Variants in PIK3C2G observed in about 807,000 individuals in gnomAD.
PIK3C2G encodes the protein phosphatidylinositol-4-phosphate 3-kinase catalytic subunit type 2 gamma.
In PIK3C2G, 168 loss-of-function variants were observed where a neutral mutation model predicts 181.1. That is an observed-to-expected ratio of 0.93 (90% CI 0.82 to 1.05). The LOEUF (loss-of-function observed/expected upper bound fraction) is 1.05. PIK3C2G is among the 50% of genes least tolerant of loss of function. The probability of loss-of-function intolerance (pLI) is 0.00; values close to 1 mark genes in which losing one functional copy is unlikely to be tolerated. For missense variants in PIK3C2G, 1,869 were observed against 1,732.8 expected, an observed-to-expected ratio of 1.08 and a Z score of -1.40; for synonymous variants, 573 against 592.2, an observed-to-expected ratio of 0.97 and a Z score of 0.47.
At chr12:18,578,291 CT>C (rs1457964333) in intron 29 of PIK3C2G, among the ~76,000 whole-genome samples, 1 of 152,146 alleles carries the variant, frequency 6.6e-6, no homozygotes, top group Non-Finnish European at 1.5e-5. Flanking sequence ...TCTTTTATAA[CT>C]TCACACGTTG....
chr12:18,614,966 C>A (rs1032290031), intron 31 of PIK3C2G, among the ~76,000 whole-genome samples: 2 of 151,934 alleles, frequency 1.3e-5, no homozygotes, highest in South Asian at 2.1e-4. Context: ...CTTTTCTTTT[C>A]TTTTCTTTTA....
chr12:18,329,778 T>G (rs923051188), intron 8 of PIK3C2G, among the ~76,000 whole-genome samples: 8 of 152,052 alleles, frequency 5.3e-5, no homozygotes, highest in African/African-American at 1.9e-4. Flanking sequence ...GTTTTACCTT[T>G]TACCCATTCA....
At chr12:18,256,701 CA>C (rs1288702634), upstream of PIK3C2G, among the ~76,000 whole-genome samples, 1 of 152,038 alleles carries the variant, frequency 6.6e-6, no homozygotes, top group African/African-American at 2.4e-5. Context: ...TTAAGGATTG[CA>C]AATGACAGTT....
At chr12:18,650,664 ATGTGTGTGTGTG>A (rs1159499235), downstream of PIK3C2G, among the ~76,000 whole-genome samples, 16 of 35,584 alleles carry the variant, frequency 4.5e-4, 1 homozygote, top group Non-Finnish European at 7.1e-4. Context: ...TGGAATATAA[ATGTGTGTGTGTG>A]TGTGTGTGTG....
At chr12:18,364,828 A>T (rs568171708) in intron 12 of PIK3C2G, among the ~76,000 whole-genome samples, 70 of 152,070 alleles carry the variant, frequency 4.6e-4, no homozygotes, top group Non-Finnish European at 8.2e-4. Flanking sequence ...AACCCAGGAG[A>T]CAGAGGTTGC....
At chr12:18,704,205 A>T in the PIK3C2G span, among the ~76,000 whole-genome samples, 2 of 152,340 alleles carry the variant, frequency 1.3e-5, no homozygotes, top group African/African-American at 4.8e-5. Flanking sequence ...ATTTATCAGT[A>T]AGAAAATCTT....
At position 18,293,946 on chromosome 12, in the gene PIK3C2G, G is replaced by C; in HGVS notation, c.965G>C (p.Cys322Ser). The C allele has an allele frequency of 6.3e-7, 1 of 1,598,906 alleles. No homozygotes were observed. Among genetic ancestry groups the C allele is most frequent in the Non-Finnish European group, 8.6e-7 (1 of 1,166,748 alleles). Residue 322 changes from cysteine to serine, a missense_variant, in exon 5 of 33, where the codon TGC becomes TCC. Transcript: ENST00000538779. Reference protein sequence around the residue: ...KDLIAEILHFCTNDQLLPKDH... With the variant: ...KDLIAEILHFSTNDQLLPKDH... The stretch of plus-strand genomic sequence containing the variant: ...CTAATTGCAGAAATTCTGCATTTTT[G>C]CACAAATGACCAGCTACTCCCCAAA...
intron 18 of PIK3C2G, among the ~76,000 whole-genome samples, chr12:18,474,187 G>A (rs1379174198): frequency 6.6e-6 from 1 of 152,080 alleles, no homozygotes; most frequent in Non-Finnish European, 1.5e-5. Context: ...TGTCAATTGA[G>A]TATCATTAGC....
At chr12:18,531,797 G>C (rs770270580) in intron 24 of PIK3C2G, among the ~76,000 whole-genome samples, 1 of 152,146 alleles carries the variant, frequency 6.6e-6, no homozygotes, top group Non-Finnish European at 1.5e-5. Flanking sequence ...GGACATCTTA[G>C]TTGTTTGCAT....
the PIK3C2G span, among the ~76,000 whole-genome samples, chr12:18,653,532 C>T: frequency 1.3e-5 from 2 of 152,140 alleles, no homozygotes; most frequent in Admixed American, 1.3e-4. Flanking sequence ...TAACTCCAGA[C>T]ACAGGTATAC....
At chr12:18,403,773 A>G (rs938181311) in intron 16 of PIK3C2G, among the ~76,000 whole-genome samples, 1 of 152,120 alleles carries the variant, frequency 6.6e-6, no homozygotes, top group African/African-American at 2.4e-5. Flanking sequence ...CTCCCTGGGT[A>G]CTGATAACTT....
At chr12:18,249,003 T>C (rs1053804768) in intron 1 of PIK3C2G, among the ~76,000 whole-genome samples, 6 of 152,184 alleles carry the variant, frequency 3.9e-5, no homozygotes, top group African/African-American at 9.7e-5. Context: ...CCTAAACACA[T>C]AAAACAGTAT....
the PIK3C2G span, among the ~76,000 whole-genome samples, chr12:18,723,021 G>A: frequency 1.3e-5 from 2 of 151,898 alleles, no homozygotes; most frequent in East Asian, 3.9e-4. Flanking sequence ...TAGAATCATT[G>A]TCTTACTTTC....
At chr12:18,304,506 C>T (rs12318878) in intron 5 of PIK3C2G, among the ~76,000 whole-genome samples, 24,708 of 152,148 alleles carry the variant, frequency 0.16, 2,275 homozygotes, top group East Asian at 0.41. Context: ...ATCAACCCGC[C>T]CCGGCCTCCC....
intron 8 of PIK3C2G, among the ~76,000 whole-genome samples, chr12:18,327,156 C>T (rs1951382088): frequency 6.6e-6 from 1 of 152,136 alleles, no homozygotes; most frequent in South Asian, 2.1e-4. Context: ...ATAAATAGGT[C>T]ACAGTGTATG....
intron 18 of PIK3C2G, among the ~76,000 whole-genome samples, chr12:18,444,268 A>G (rs1946903274): frequency 6.6e-6 from 1 of 152,116 alleles, no homozygotes; most frequent in African/African-American, 2.4e-5. Context: ...TATCAGTAGT[A>G]TGAAGTCTCA....
At chr12:18,664,262 C>T in the PIK3C2G span, among the ~76,000 whole-genome samples, 2 of 152,158 alleles carry the variant, frequency 1.3e-5, no homozygotes, top group Non-Finnish European at 2.9e-5. Flanking sequence ...TCCTACAATT[C>T]CAGTTCTGAA....
intron 10 of PIK3C2G, among the ~76,000 whole-genome samples, chr12:18,345,505 A>G (rs2137654281): frequency 6.6e-6 from 1 of 152,326 alleles, no homozygotes; most frequent in East Asian, 1.9e-4. Flanking sequence ...TTAATTATAG[A>G]CAGACGTACT....
rs569880460 is a variant in PIK3C2G, at chr12:18,385,396, G to A, written c.1995+3516G>A. Among the ~76,000 whole-genome samples, 44 of 152,224 alleles carry A rather than the reference G, an allele frequency of 2.9e-4. No homozygotes were observed. In the South Asian group the frequency reaches 8.5e-3, roughly 29 times the overall value. ...GAGTGAAATAGATTTTAGTTCAGAAGTGGAGGCAGATAATACATAAGTTAC... is the reference window on the plus strand; with the variant it reads ...GAGTGAAATAGATTTTAGTTCAGAAATGGAGGCAGATAATACATAAGTTAC... On this transcript the variant is annotated intron_variant, in intron 14 of 32. Transcript: ENST00000538779.
Sources: allele counts gnomAD v4.1 joint callset (sites outside exome capture counted in the v4.1 genomes callset), GRCh38; gene constraint gnomAD v4.1.1; transcripts MANE v1.5; gene names NCBI Gene and HGNC (gene_info 2026-07-23, HGNC 2026-07-21).